KATNAL2: variants seen among roughly 807,000 people sequenced by gnomAD.
KATNAL2 encodes the protein katanin catalytic subunit A1 like 2, also known as katanin p60 ATPase-containing subunit A-like 2.
In KATNAL2, 52 loss-of-function variants were observed where a neutral mutation model predicts 76.3. The observed-to-expected ratio is 0.68, with a 90% confidence interval of 0.55 to 0.86. The LOEUF (loss-of-function observed/expected upper bound fraction) is 0.86, where lower values mean the gene tolerates loss of function less well. Among genes scored for constraint, KATNAL2 ranks in the 40% least tolerant of loss-of-function variants. The pLI is 0.00. For missense variants in KATNAL2, 660 were observed against 668.9 expected (o/e 0.99, Z 0.15); for synonymous variants, 243 against 244.2 (o/e 1.00, Z 0.05).
At chr18:47,066,847 TTATA>T (rs56018747) in intron 10 of KATNAL2, among the ~76,000 whole-genome samples, 170 bp from the exon 11 acceptor site, 2,064 of 29,344 alleles carry the variant, frequency 0.07, 43 homozygotes, top group African/African-American at 0.081. Flanking sequence ...ATATATGTGT[TTATA>T]TATATATATA....
At chr18:46,931,105 A>AT (rs1555824561) in intron 1 of KATNAL2, among the ~76,000 whole-genome samples, 1 of 106,044 alleles carries the variant, frequency 9.4e-6, no homozygotes, top group African/African-American at 3.4e-5. Flanking sequence ...GTCTCAGGAA[A>AT]TAATAATAAT....
At chr18:46,938,781 C>G (rs901884309) in intron 1 of KATNAL2, among the ~76,000 whole-genome samples, 1 of 152,122 alleles carries the variant, frequency 6.6e-6, no homozygotes, top group East Asian at 1.9e-4. Context: ...TCCGCAGTCC[C>G]TTGTTTCAAC....
chr18:46,955,588 C>T (rs982779995), intron 3 of KATNAL2, among the ~76,000 whole-genome samples: 9 of 150,448 alleles, frequency 6.0e-5, no homozygotes, highest in South Asian at 2.1e-4. Context: ...GAAACAGGGT[C>T]TCACCGTTTT....
At chr18:46,961,032 G>C (rs1289917474) in intron 3 of KATNAL2, among the ~76,000 whole-genome samples, 1 of 152,192 alleles carries the variant, frequency 6.6e-6, no homozygotes, top group Non-Finnish European at 1.5e-5. Flanking sequence ...AGCAAACATG[G>C]GGGACATAAC....
At chr18:46,959,329 C>G (rs2059862009) in intron 3 of KATNAL2, among the ~76,000 whole-genome samples, 1 of 152,206 alleles carries the variant, frequency 6.6e-6, no homozygotes, top group Non-Finnish European at 1.5e-5. Context: ...ACTGCTACAG[C>G]CCTGTGGGCA....
At chr18:46,943,677 C>A (rs1029779633) in intron 1 of KATNAL2, among the ~76,000 whole-genome samples, 3 of 152,206 alleles carry the variant, frequency 2.0e-5, no homozygotes, top group Admixed American at 6.5e-5. Flanking sequence ...TATGGAGTAG[C>A]CATTCCTTTA....
At chr18:47,040,443 T>A (rs188085999) in intron 3 of KATNAL2, among the ~76,000 whole-genome samples, 5 of 152,186 alleles carry the variant, frequency 3.3e-5, no homozygotes, top group Non-Finnish European at 7.3e-5. Context: ...GAGGAGTTGA[T>A]GAAAGGAAGA....
intron 3 of KATNAL2, among the ~76,000 whole-genome samples, chr18:47,043,272 A>T (rs1356965171): frequency 1.3e-5 from 2 of 150,882 alleles, no homozygotes; most frequent in Non-Finnish European, 3.0e-5. Flanking sequence ...CCTGGGAAGA[A>T]AAATTACATT....
At position 47,063,193 on chromosome 18, in the gene KATNAL2, G is replaced by A. The variant is rs1022200800; in HGVS notation, c.649-91G>A. ...TTAAAGGCCATAGCCACCTGCCATC[G>A]TTTGTTTCACCAAGACCTGTGCATG... On this transcript the variant is annotated intron_variant, in intron 9 of 17. Coordinates refer to ENST00000683218, the MANE Select transcript of KATNAL2 (RefSeq NM_001387690.1). The A allele has an allele frequency of 1.7e-4, 241 of 1,452,256 alleles. 1 individual carries two copies. The highest frequency in any genetic ancestry group is 3.5e-4 in the Admixed American group (20 of 57,758). The allele number at this position is 1,452,256 out of a possible 1,614,324, so 90.0% of individuals were successfully genotyped here.
At chr18:47,066,724 AT>A (rs146991632) in intron 10 of KATNAL2, among the ~76,000 whole-genome samples, 12 of 149,508 alleles carry the variant, frequency 8.0e-5, no homozygotes, top group Non-Finnish European at 4.5e-5. Context: ...TTGTTAGGAG[AT>A]TTTTTTTTCT....
chr18:46,918,911 C>T (rs962903101), intron 1 of KATNAL2, among the ~76,000 whole-genome samples: 13 of 152,118 alleles, frequency 8.5e-5, no homozygotes, highest in Admixed American at 1.3e-4. Context: ...TCCTAGGACC[C>T]TGAACTTTTT....
intron 15 of KATNAL2, among the ~76,000 whole-genome samples, chr18:47,081,057 TTC>T (rs1034212077): frequency 4.1e-5 from 6 of 146,798 alleles, no homozygotes; most frequent in East Asian, 2.0e-4. Context: ...TCCTTCCCTC[TTC>T]TTTCTTTCCC....
At chr18:46,947,045 C>T (rs1317615003) in intron 3 of KATNAL2, 122 bp downstream of exon 3, 1 of 736,254 alleles carries the variant, frequency 1.4e-6, no homozygotes, top group East Asian at 2.7e-5. Context: ...AGCGCAAACG[C>T]AGTGAGAGGC....
At chr18:47,039,632 T>C (rs1204760002) in intron 3 of KATNAL2, among the ~76,000 whole-genome samples, 1 of 152,188 alleles carries the variant, frequency 6.6e-6, no homozygotes, top group Admixed American at 6.5e-5. Context: ...CCAAACCCAG[T>C]GCAGTGGATC....
At position 46,925,922 on chromosome 18, in the gene KATNAL2, G is replaced by A. The variant is rs543566534; in HGVS notation, c.-510+7996G>A. 4.8e-3 allele frequency among the ~76,000 whole-genome samples: 723 copies of A among 152,114 alleles called. 4 individuals are homozygous for A. Among genetic ancestry groups the A allele is most frequent in the Non-Finnish European group, 8.3e-3 (566 of 67,996 alleles). ...GGTAGTTTGTATTTCTGTGGGATCG[G>A]TGGTGATATCCCCTTTATCATTTTT... On this transcript the variant is annotated intron_variant, in intron 1 of 17. Coordinates refer to ENST00000683218, the MANE Select transcript of KATNAL2 (RefSeq NM_001387690.1).
chr18:47,071,950 C>CTTTTT (rs1569113939), intron 13 of KATNAL2, among the ~76,000 whole-genome samples: 3 of 39,230 alleles, frequency 7.6e-5, no homozygotes, highest in African/African-American at 2.9e-4. Context: ...CTCCCAATTT[C>CTTTTT]TTCTTTTTTT....
chr18:47,050,202 A>G (rs759076512), intron 4 of KATNAL2, among the ~76,000 whole-genome samples: 1 of 151,760 alleles, frequency 6.6e-6, no homozygotes, highest in African/African-American at 2.4e-5. Flanking sequence ...TTTTTCTCAG[A>G]CCATCTTTAG....
Position 47,067,111 on chromosome 18 carries a change from C to T in KATNAL2, c.817C>T (p.Pro273Ser), listed in dbSNP as rs1483579139. ...KQLVKEAVVYPIRYPQLFTGI... is the reference protein window; with the variant it reads ...KQLVKEAVVYSIRYPQLFTGI... ...GTTAGTCAAAGAAGCTGTTGTGTAT[C>T]CTATAAGGGTAAGGACGGGAAGCCT... Residue 273 changes from proline to serine, a missense_variant, in exon 11 of 18, where the codon CCT becomes TCT. Physicochemically the swap from Pro to Ser is moderately conservative, Grantham distance 74. Coordinates refer to ENST00000683218, the MANE Select transcript of KATNAL2 (RefSeq NM_001387690.1). The T allele has an allele frequency of 1.9e-6, 3 of 1,550,796 alleles. No homozygotes were observed. The highest frequency in any genetic ancestry group is 2.7e-5 in the African/African-American group (2 of 73,988).
intron 6 of KATNAL2, among the ~76,000 whole-genome samples, chr18:47,055,096 A>C (rs2061434798): frequency 6.6e-6 from 1 of 152,086 alleles, no homozygotes; most frequent in Non-Finnish European, 1.5e-5. Context: ...ATTCTCTCAC[A>C]AGGCCCCCTA....
Sources: gnomAD v4.1 joint callset for allele counts (sites outside exome capture counted in the v4.1 genomes callset) on GRCh38, gnomAD v4.1.1 for gene constraint, MANE v1.5 for transcripts, NCBI Gene and HGNC (gene_info 2026-07-23, HGNC 2026-07-21) for gene names.